The following PDZRN3 variants were observed in gnomAD, a reference collection of about 807,000 sequenced individuals.
The protein encoded by PDZRN3 is PDZ domain containing ring finger 3.
A neutral mutation model predicts 85.7 loss-of-function variants in PDZRN3; 38 were observed. The ratio of observed to expected loss-of-function variants is 0.44; its 90% CI spans 0.34 to 0.58. PDZRN3 has a LOEUF of 0.58. Ranked by LOEUF, PDZRN3 falls within the 20% of genes least tolerant of loss-of-function variation. The pLI, the probability that PDZRN3 is intolerant of heterozygous loss-of-function variation, is 0.01. For synonymous variants in PDZRN3, 759 were observed against 638.0 expected (o/e 1.19, Z -2.86); for missense variants, 1,629 against 1,506.4 (o/e 1.08, Z -1.35).
At chr3:73,572,730 C>A (rs139005625) in intron 3 of PDZRN3, among the ~76,000 whole-genome samples, 41 of 152,244 alleles carry the variant, frequency 2.7e-4, no homozygotes, top group African/African-American at 9.4e-4. Flanking sequence ...TTACATCAAG[C>A]CAAGAGGGAT....
intron 3 of PDZRN3, among the ~76,000 whole-genome samples, chr3:73,597,487 C>T (rs1277948885): frequency 6.6e-6 from 1 of 152,094 alleles, no homozygotes; most frequent in Non-Finnish European, 1.5e-5. Flanking sequence ...GCTTAAGTCT[C>T]CCACTTTCAT....
chr3:73,538,664 T>C (rs1306531717), intron 3 of PDZRN3, among the ~76,000 whole-genome samples: 2 of 152,230 alleles, frequency 1.3e-5, no homozygotes, highest in African/African-American at 2.4e-5. Flanking sequence ...AGTTAACCTT[T>C]AGCAATATAG....
Position 73,391,052 on chromosome 3 carries a change from T to C in PDZRN3, c.1319A>G (p.Asp440Gly), listed in dbSNP as rs1701516385. ...KLGLTVCYRT[D>G]DEDDIGIYIS... Reference sequence around the variant, plus strand: ...ATAAATCCCAATGTCGTCTTCATCGTCCGTCCGGTAGCACACAGTGAGGCC... The same window carrying C: ...ATAAATCCCAATGTCGTCTTCATCGCCCGTCCGGTAGCACACAGTGAGGCC... The change falls in exon 6 of 10, where the codon GAC becomes GGC. Residue 440 changes from aspartate (D) to glycine (G), a missense_variant. Transcript: ENST00000263666. 6.2e-7 allele frequency: 1 copy of C among 1,613,638 alleles called. No homozygotes were observed. The highest frequency in any genetic ancestry group is 8.5e-7 in the Non-Finnish European group (1 of 1,179,652).
chr3:73,574,825 TC>T (rs34912564), intron 3 of PDZRN3, among the ~76,000 whole-genome samples: 1 of 151,978 alleles, frequency 6.6e-6, no homozygotes, highest in Non-Finnish European at 1.5e-5. Context: ...AAATTCAACT[TC>T]CCCCCTCATC....
intron 3 of PDZRN3, among the ~76,000 whole-genome samples, chr3:73,460,749 A>G (rs1300169718): frequency 6.6e-6 from 1 of 152,160 alleles, no homozygotes; most frequent in Non-Finnish European, 1.5e-5. Context: ...TGAATTTAAC[A>G]CAGCCTTTTC....
At chr3:73,508,022 G>A (rs1322731151) in intron 3 of PDZRN3, among the ~76,000 whole-genome samples, 1 of 152,082 alleles carries the variant, frequency 6.6e-6, no homozygotes, top group East Asian at 1.9e-4. Context: ...TTGAACTCAG[G>A]AGGTGAAGGT....
At chr3:73,424,890 AG>A (rs1702280872) in intron 3 of PDZRN3, among the ~76,000 whole-genome samples, 1 of 152,236 alleles carries the variant, frequency 6.6e-6, no homozygotes, top group Non-Finnish European at 1.5e-5. Context: ...AAGTGTTGGC[AG>A]GGATGTGAAG....
rs910189250 is a variant in PDZRN3, at chr3:73,569,154, G to A, written c.918+33200C>T. 2.3e-6 allele frequency: 3 copies of A among 1,288,274 alleles called. No individual in the cohort carries two copies. In the Admixed American group the frequency reaches 6.9e-5, roughly 30 times the overall value. 79.8% of individuals were successfully genotyped at this position (1,288,274 alleles called of 1,614,324 possible). ...CCTTTTCATCACATTGCCTCACCTG[G>A]TTAATCATGTTTGATTCTTCTTTAC... is the stretch of plus-strand genomic sequence containing the variant. On this transcript the variant is annotated intron_variant, in intron 3 of 9. Coordinates refer to ENST00000263666, the MANE Select transcript of PDZRN3 (RefSeq NM_015009.3).
chr3:73,624,763 G>C lies in PDZRN3; in HGVS notation c.63C>G (p.Cys21Trp). 2.7e-6 allele frequency: 4 copies of C among 1,485,660 alleles called. No homozygotes were observed. Among genetic ancestry groups the C allele is most frequent in the Non-Finnish European group, 3.6e-6 (4 of 1,124,994 alleles). 92.0% of individuals were successfully genotyped at this position (1,485,660 alleles called of 1,614,324 possible). A position where few individuals can be genotyped will look rare whatever the true frequency, so the allele number is the denominator to read the frequency against. ...TCAGCGGGTCCTCCAGGACCTTGTG[G>C]CACAGCGCGCACTTCAGGTCCGGGT... ...DVDPDLKCAL[C>W]HKVLEDPLTT... is the part of the protein sequence containing the mutation. Residue 21 changes from cysteine to tryptophan, a missense_variant, in exon 1 of 10, where the codon TGC becomes TGG. By Grantham distance (215) the Cys-to-Trp change is radical (BLOSUM62 -2). Transcript: ENST00000263666.
intron 3 of PDZRN3, among the ~76,000 whole-genome samples, chr3:73,460,374 C>A (rs1332488605): frequency 6.6e-6 from 1 of 152,144 alleles, no homozygotes; most frequent in Non-Finnish European, 1.5e-5. Context: ...CTTTACTCTC[C>A]ATCATGATGG....
chr3:73,624,605 A>G lies in PDZRN3; in HGVS notation c.221T>C (p.Leu74Pro). Residue 74 changes from leucine (L) to proline (P), a missense_variant, in exon 1 of 10, where the codon CTT (leucine) becomes CCT (proline). Physicochemically the swap from Leu to Pro is moderately conservative, Grantham distance 98. Transcript: ENST00000263666. ...ELNHVLPLKRLILKLDIKCAY... is the reference protein window; with the variant it reads ...ELNHVLPLKRPILKLDIKCAY... ...GCACTTGATGTCCAGCTTGAGGATA[A>G]GGCGCTTGAGCGGCAGGACGTGGTT... 6.4e-7 allele frequency: 1 copy of G among 1,556,716 alleles called. No individual in the cohort carries two copies. The highest frequency in any genetic ancestry group is 8.7e-7 in the Non-Finnish European group (1 of 1,155,216).
intron 3 of PDZRN3, among the ~76,000 whole-genome samples, chr3:73,475,460 C>G (rs533331671): frequency 3.3e-5 from 5 of 152,310 alleles, no homozygotes; most frequent in Middle Eastern, 3.4e-3. Flanking sequence ...GGGTTCCCCC[C>G]CCAACTCTGA....
rs1704637844 is a variant in PDZRN3 at position 73,530,912 on chromosome 3, G to A, written c.918+71442C>T. ...AAGCTCTGAAGAAAACCAGATAAAT[G>A]GAAAAGGTTATTACTTGACTATAAT... On this transcript the variant is annotated intron_variant, in intron 3 of 9. Transcript: ENST00000263666. Among the ~76,000 whole-genome samples the A allele has an allele frequency of 2.6e-5, 4 of 152,232 alleles. No homozygotes were observed. The South Asian group carries it at 8.3e-4, about 32-fold the overall frequency.
Position 73,549,721 on chromosome 3 carries a change from T to C in PDZRN3, c.918+52633A>G, listed in dbSNP as rs145685661. ...GATATGTCTCATCACAGGCAGTACA[T>C]TCTACTGTTAAACTGCCCTCTTTAG... On this transcript the variant is annotated intron_variant, in intron 3 of 9. Coordinates refer to ENST00000263666, the MANE Select transcript of PDZRN3 (RefSeq NM_015009.3). Among the ~76,000 whole-genome samples the C allele has an allele frequency of 1.9e-4, 29 of 152,338 alleles. No homozygotes were observed. The East Asian group carries it at 4.6e-3, about 24-fold the overall frequency.
chr3:73,498,742 G>A (rs987113219), intron 3 of PDZRN3, among the ~76,000 whole-genome samples: 12 of 152,142 alleles, frequency 7.9e-5, no homozygotes, highest in Middle Eastern at 3.4e-3. Context: ...ACGCCACCGC[G>A]CCTGGCTAAT....
intron 3 of PDZRN3, among the ~76,000 whole-genome samples, chr3:73,526,781 G>A (rs1015121984): frequency 6.6e-6 from 1 of 152,144 alleles, no homozygotes; most frequent in African/African-American, 2.4e-5. Context: ...TCCACTGCCT[G>A]GGCTCAAGCA....
chr3:73,396,670 C>T (rs960754662), intron 5 of PDZRN3, among the ~76,000 whole-genome samples: 2 of 151,116 alleles, frequency 1.3e-5, no homozygotes, highest in Non-Finnish European at 2.9e-5. Context: ...AGAATTACAT[C>T]CTGAGAATAC....
At chr3:73,597,737 A>AAAAAAAAAT in intron 3 of PDZRN3, among the ~76,000 whole-genome samples, 1 of 148,528 alleles carries the variant, frequency 6.7e-6, no homozygotes, top group South Asian at 2.2e-4. Context: ...TAGGCAAGCC[A>AAAAAAAAAT]TGACCAAAAA....
intron 3 of PDZRN3, among the ~76,000 whole-genome samples, chr3:73,471,013 A>G (rs1703327529): frequency 6.6e-6 from 1 of 152,202 alleles, no homozygotes; most frequent in Non-Finnish European, 1.5e-5. Flanking sequence ...GACTGACTCA[A>G]AAGATATGCT....
Sources: gnomAD v4.1 joint callset for allele counts (sites outside exome capture counted in the v4.1 genomes callset) on GRCh38, gnomAD v4.1.1 for gene constraint, MANE v1.5 for transcripts, NCBI Gene and HGNC (gene_info 2026-07-23, HGNC 2026-07-21) for gene names.